The following CSMD1 variants were observed in gnomAD, a reference collection of about 807,000 sequenced individuals.
The protein encoded by CSMD1 is CUB and Sushi multiple domains 1, also known as CUB and sushi domain-containing protein 1.
CSMD1 carries 213 observed loss-of-function variants against 417.5 expected under a neutral mutation model. That is an observed-to-expected ratio of 0.51 (90% CI 0.46 to 0.57). The LOEUF (loss-of-function observed/expected upper bound fraction) is 0.57, where lower values mean the gene tolerates loss of function less well. Among genes scored for constraint, CSMD1 ranks in the 20% least tolerant of loss-of-function variants. The pLI is 0.00. For missense variants in CSMD1, 6,923 were observed against 4,529.7 expected (o/e 1.53, Z -15.17); for synonymous variants, 2,862 against 1,736.8 (o/e 1.65, Z -16.11).
At chr8:4,692,149 C>T (rs1806809451) in intron 1 of CSMD1, among the ~76,000 whole-genome samples, 1 of 152,030 alleles carries the variant, frequency 6.6e-6, no homozygotes, top group Non-Finnish European at 1.5e-5. Context: ...TGAAAACCTG[C>T]CCCCTGTCCC....
intron 2 of CSMD1, among the ~76,000 whole-genome samples, chr8:4,513,254 G>A (rs181350399): frequency 6.6e-6 from 1 of 152,206 alleles, no homozygotes; most frequent in East Asian, 1.9e-4. Flanking sequence ...GTGGGGACAG[G>A]GGGTATATAA....
intron 2 of CSMD1, among the ~76,000 whole-genome samples, chr8:4,459,620 T>C (rs1377907708): frequency 6.6e-6 from 1 of 152,176 alleles, no homozygotes; most frequent in East Asian, 1.9e-4. Flanking sequence ...GAAGATCGCA[T>C]TGTGGGTTAG....
intron 20 of CSMD1, among the ~76,000 whole-genome samples, chr8:3,363,167 C>G (rs2117733695): frequency 6.6e-6 from 1 of 152,250 alleles, no homozygotes; most frequent in South Asian, 2.1e-4. Flanking sequence ...AATTAGCTGG[C>G]CTGTCCATTC....
intron 2 of CSMD1, among the ~76,000 whole-genome samples, chr8:4,579,671 T>C (rs2725064): frequency 0.33 from 49,759 of 151,720 alleles, 8,428 homozygotes; most frequent in Non-Finnish European, 0.38. Flanking sequence ...CTTAAACCTA[T>C]ATTTTAAGGA....
At chr8:4,086,861 T>A (rs1800448399) in intron 3 of CSMD1, among the ~76,000 whole-genome samples, 2 of 152,202 alleles carry the variant, frequency 1.3e-5, no homozygotes, top group African/African-American at 2.4e-5. Context: ...ACGTTTCTGG[T>A]AGCATAAGAG....
At chr8:4,052,896 A>T (rs1414852589) in intron 3 of CSMD1, among the ~76,000 whole-genome samples, 1 of 152,148 alleles carries the variant, frequency 6.6e-6, no homozygotes, top group East Asian at 1.9e-4. Flanking sequence ...ATAGACCACA[A>T]TGCCAGACGT....
intron 2 of CSMD1, among the ~76,000 whole-genome samples, chr8:4,567,942 G>C (rs79072951): frequency 6.6e-6 from 1 of 152,058 alleles, no homozygotes; most frequent in Non-Finnish European, 1.5e-5. Flanking sequence ...TTCTGTCCAC[G>C]TAACAGAGAT....
chr8:4,398,613 T>A (rs889788464), intron 3 of CSMD1, among the ~76,000 whole-genome samples: 1 of 152,078 alleles, frequency 6.6e-6, no homozygotes, highest in Admixed American at 6.5e-5. Context: ...GCCAGGATTG[T>A]CTCGATCTCC....
intron 3 of CSMD1, among the ~76,000 whole-genome samples, chr8:4,113,156 C>G (rs1442183653): frequency 6.6e-6 from 1 of 152,138 alleles, no homozygotes; most frequent in Non-Finnish European, 1.5e-5. Context: ...TACTCTCCCT[C>G]CTCGGGCCTT....
At chr8:4,739,952 C>G (rs1441253518) in intron 1 of CSMD1, among the ~76,000 whole-genome samples, 2 of 152,160 alleles carry the variant, frequency 1.3e-5, no homozygotes, top group South Asian at 4.1e-4. Flanking sequence ...GCTCCATAGT[C>G]TGAGCTAGGG....
intron 54 of CSMD1, among the ~76,000 whole-genome samples, chr8:2,996,555 CT>C (rs1806914220): frequency 6.6e-6 from 1 of 152,184 alleles, no homozygotes; most frequent in Non-Finnish European, 1.5e-5. Context: ...GTATGGAGTC[CT>C]GCGGCCTCCA....
In CSMD1 at chr8:4,581,261, A is replaced by G. The variant is rs528407283; in HGVS notation, c.302+56081T>C. Among the ~76,000 whole-genome samples the G allele has an allele frequency of 7.9e-5, 12 of 152,334 alleles. No homozygotes were observed. In the South Asian group the frequency reaches 1.9e-3, roughly 24 times the overall value. On this transcript the variant is annotated intron_variant, in intron 2 of 69. Coordinates refer to ENST00000635120, the MANE Select transcript of CSMD1 (RefSeq NM_033225.6). ...ATTAATAATAATTGGGCATTTCAAA[A>G]TGTTTATTTCATGAAGAAAAAAGAA...
chr8:4,465,789 T>C (rs1800130986), intron 2 of CSMD1, among the ~76,000 whole-genome samples: 1 of 152,134 alleles, frequency 6.6e-6, no homozygotes, highest in African/African-American at 2.4e-5. Flanking sequence ...ATGGGGGTGG[T>C]TATGGGTACT....
chr8:3,182,250 C>A (rs1306436332), intron 36 of CSMD1, among the ~76,000 whole-genome samples: 1 of 152,124 alleles, frequency 6.6e-6, no homozygotes, highest in Non-Finnish European at 1.5e-5. Context: ...TATCCCCCAA[C>A]AGATTTTATT....
chr8:4,042,737 C>A (rs566559895), intron 3 of CSMD1, among the ~76,000 whole-genome samples: 1 of 147,020 alleles, frequency 6.8e-6, no homozygotes, highest in African/African-American at 2.5e-5. Flanking sequence ...GACAGCAATA[C>A]CACAGAGGCT....
intron 2 of CSMD1, among the ~76,000 whole-genome samples, chr8:4,569,382 A>C (rs1017496246): frequency 6.6e-6 from 1 of 152,144 alleles, no homozygotes; most frequent in Non-Finnish European, 1.5e-5. Flanking sequence ...CTTTCCCAAC[A>C]CCATGTATTA....
At position 3,958,881 on chromosome 8, in the gene CSMD1, C is replaced by A. The variant is rs556330241; in HGVS notation, c.818+39022G>T. Among the ~76,000 whole-genome samples, 5 of 152,300 alleles carry A rather than the reference C, an allele frequency of 3.3e-5. No individual in the cohort carries two copies. The East Asian group carries it at 7.7e-4, about 24-fold the overall frequency. On this transcript the variant is annotated intron_variant, in intron 5 of 69. Transcript: ENST00000635120. ...AGTAGATGATAATGGAAAAAGAGAA[C>A]AGATATTCAGTGAACGTGACAATTC...
At chr8:4,332,106 C>A (rs562930112) in intron 3 of CSMD1, among the ~76,000 whole-genome samples, 105 of 152,170 alleles carry the variant, frequency 6.9e-4, no homozygotes, top group Non-Finnish European at 4.0e-4. Context: ...GCCAAGAAAC[C>A]ACGCATAATT....
chr8:4,533,058 C>T (rs1291230980), intron 2 of CSMD1, among the ~76,000 whole-genome samples: 1 of 152,244 alleles, frequency 6.6e-6, no homozygotes, highest in East Asian at 1.9e-4. Flanking sequence ...CAACCACTCA[C>T]CTACTTTCTG....
Sources: gnomAD v4.1 joint callset for allele counts (sites outside exome capture counted in the v4.1 genomes callset) on GRCh38, gnomAD v4.1.1 for gene constraint, MANE v1.5 for transcripts, NCBI Gene and HGNC (gene_info 2026-07-23, HGNC 2026-07-21) for gene names.